The following FBXL17 variants were observed in gnomAD, a reference collection of about 807,000 sequenced individuals.
The protein encoded by FBXL17 is F-box and leucine rich repeat protein 17.
In FBXL17, 22 loss-of-function variants were observed where a neutral mutation model predicts 66.2. The ratio of observed to expected loss-of-function variants is 0.33; its 90% confidence interval spans 0.24 to 0.47. The LOEUF is 0.47. FBXL17 is among the 20% of genes least tolerant of loss of function. The pLI, the probability that FBXL17 is intolerant of heterozygous loss-of-function variation, is 1.00. For synonymous variants in FBXL17, 474 were observed against 400.5 expected (o/e 1.18, Z -2.19); for missense variants, 878 against 948.2 (o/e 0.93, Z 0.97).
chr5:108,013,980 C>T (rs557573965), intron 7 of FBXL17, among the ~76,000 whole-genome samples: 212 of 152,274 alleles, frequency 1.4e-3, no homozygotes, highest in Middle Eastern at 0.01. Flanking sequence ...CCATTTAGAA[C>T]TATCCATCAG....
chr5:107,970,289 T>A (rs1365770816), intron 7 of FBXL17, among the ~76,000 whole-genome samples: 1 of 152,082 alleles, frequency 6.6e-6, no homozygotes, highest in African/African-American at 2.4e-5. Flanking sequence ...CCTTAGGTAA[T>A]ATAACTGAGA....
intron 5 of FBXL17, among the ~76,000 whole-genome samples, chr5:108,209,207 T>C (rs1311645926): frequency 6.6e-6 from 1 of 152,214 alleles, no homozygotes; most frequent in Non-Finnish European, 1.5e-5. Flanking sequence ...TAAGGAGATT[T>C]TGGGCTGAGA....
chr5:108,050,166 T>C (rs1018324108), intron 6 of FBXL17, among the ~76,000 whole-genome samples: 2 of 152,168 alleles, frequency 1.3e-5, no homozygotes, highest in African/African-American at 4.8e-5. Context: ...TCTGTCAATA[T>C]TAGATAGATT....
chr5:108,184,064 C>T (rs954175683), intron 6 of FBXL17, among the ~76,000 whole-genome samples: 6 of 151,876 alleles, frequency 4.0e-5, no homozygotes, highest in Non-Finnish European at 7.4e-5. Context: ...CTAGAATTTA[C>T]CAAAATTGGG....
chr5:107,887,579 C>T (rs183190295), intron 7 of FBXL17, among the ~76,000 whole-genome samples: 3 of 152,144 alleles, frequency 2.0e-5, no homozygotes, highest in Admixed American at 2.0e-4. Flanking sequence ...TTTCTTGGCA[C>T]GGTTACAAAG....
At chr5:108,225,527 C>A (rs188310754) in intron 4 of FBXL17, among the ~76,000 whole-genome samples, 1 of 152,164 alleles carries the variant, frequency 6.6e-6, no homozygotes, top group African/African-American at 2.4e-5. Context: ...AGTTATGCTG[C>A]ACAAGCCAAG....
intron 4 of FBXL17, among the ~76,000 whole-genome samples, chr5:108,300,152 C>T (rs1199010472): frequency 6.6e-6 from 1 of 151,860 alleles, no homozygotes; most frequent in East Asian, 1.9e-4. Flanking sequence ...GACTCGAAAA[C>T]TTTTAGAAAC....
intron 6 of FBXL17, among the ~76,000 whole-genome samples, chr5:108,095,956 T>A (rs1246161007): frequency 1.3e-5 from 2 of 152,166 alleles, no homozygotes; most frequent in African/African-American, 4.8e-5. Context: ...GATAAAATTG[T>A]TCTGTAAGTT....
intron 4 of FBXL17, among the ~76,000 whole-genome samples, chr5:108,319,221 G>A (rs918988686): frequency 4.6e-5 from 7 of 151,768 alleles, no homozygotes; most frequent in African/African-American, 1.5e-4. Flanking sequence ...TGCAGAATGG[G>A]AAAATTAACA....
rs137893808 is a variant in FBXL17, at chr5:108,036,700, A to G, written c.1746-15699T>C. Reference sequence around the variant, plus strand: ...CTGCTCTGGCCTGACTTTTCCGGCTACCATTCATCACATAGCCACTGGCAG... The same window carrying G: ...CTGCTCTGGCCTGACTTTTCCGGCTGCCATTCATCACATAGCCACTGGCAG... On this transcript the variant is annotated intron_variant, in intron 6 of 8. Transcript: ENST00000542267. Among the ~76,000 whole-genome samples the G allele has an allele frequency of 2.6e-3, 391 of 152,252 alleles. 2 individuals carry two copies. Among genetic ancestry groups the G allele is most frequent in the African/African-American group, 9.0e-3 (376 of 41,552 alleles).
At chr5:108,047,059 G>A (rs2112813988) in intron 6 of FBXL17, among the ~76,000 whole-genome samples, 1 of 152,272 alleles carries the variant, frequency 6.6e-6, no homozygotes, top group South Asian at 2.1e-4. Flanking sequence ...GGCAATGGGA[G>A]GCTACCATGA....
At chr5:107,887,332 T>A (rs1158803544) in intron 7 of FBXL17, among the ~76,000 whole-genome samples, 1 of 152,218 alleles carries the variant, frequency 6.6e-6, no homozygotes, top group African/African-American at 2.4e-5. Flanking sequence ...TATATAAATG[T>A]GAGAACTAAA....
At chr5:108,142,426 T>C (rs1325691256) in intron 6 of FBXL17, among the ~76,000 whole-genome samples, 1 of 152,208 alleles carries the variant, frequency 6.6e-6, no homozygotes, top group Non-Finnish European at 1.5e-5. Flanking sequence ...ATAGAGTAAA[T>C]GGTAAATCAG....
At chr5:108,367,176 T>C (rs888182853) in intron 2 of FBXL17, among the ~76,000 whole-genome samples, 1 of 152,106 alleles carries the variant, frequency 6.6e-6, no homozygotes, top group African/African-American at 2.4e-5. Context: ...ATATTTCTAA[T>C]GCCAAATACC....
rs574850532 is a variant in FBXL17, at chr5:108,044,821, G to C, written c.1746-23820C>G. 3.0e-4 allele frequency among the ~76,000 whole-genome samples: 46 copies of C among 152,146 alleles called. 1 individual carries two copies. In the South Asian group the frequency reaches 8.1e-3, roughly 27 times the overall value. On this transcript the variant is annotated intron_variant, in intron 6 of 8. Coordinates refer to ENST00000542267, the MANE Select transcript of FBXL17 (RefSeq NM_001163315.3). Reference sequence around the variant, plus strand: ...ATTATCGATGCAATTTCCTTAATAAGTATAGTGCTGCTAAACTTAGCTGTT... The same window carrying C: ...ATTATCGATGCAATTTCCTTAATAACTATAGTGCTGCTAAACTTAGCTGTT...
chr5:108,355,302 T>TTATC (rs1417996242), intron 3 of FBXL17, among the ~76,000 whole-genome samples: 1 of 147,808 alleles, frequency 6.8e-6, no homozygotes, highest in Non-Finnish European at 1.5e-5. Context: ...ATTTATTTAT[T>TTATC]TATTTTTGAG....
At chr5:108,135,494 T>C (rs980465583) in intron 6 of FBXL17, among the ~76,000 whole-genome samples, 5 of 152,162 alleles carry the variant, frequency 3.3e-5, no homozygotes, top group Non-Finnish European at 2.9e-5. Context: ...GATTCAGTAC[T>C]CCACTAACAT....
intron 4 of FBXL17, among the ~76,000 whole-genome samples, chr5:108,284,303 T>A (rs1421630376): frequency 1.3e-5 from 2 of 151,852 alleles, no homozygotes; most frequent in East Asian, 3.8e-4. Context: ...AAATATTCAA[T>A]CAACCTAAGT....
At chr5:108,317,163 T>C (rs1266579035) in intron 4 of FBXL17, among the ~76,000 whole-genome samples, 2 of 151,230 alleles carry the variant, frequency 1.3e-5, no homozygotes, top group Non-Finnish European at 3.0e-5. Flanking sequence ...CACTACAAGG[T>C]TTTATAAAAC....
Sources: gnomAD v4.1 joint callset for allele counts (sites outside exome capture counted in the v4.1 genomes callset) on GRCh38, gnomAD v4.1.1 for gene constraint, MANE v1.5 for transcripts, NCBI Gene and HGNC (gene_info 2026-07-23, HGNC 2026-07-21) for gene names.